Variants in FHIT observed in about 807,000 individuals in gnomAD.
The protein encoded by FHIT is bis(5'-adenosyl)-triphosphatase.
Under a neutral mutation model 17.9 loss-of-function variants are expected in FHIT, and 19 were observed. The ratio of observed to expected loss-of-function variants is 1.06; its 90% CI spans 0.74 to 1.56. The LOEUF is 1.56. Ranked by LOEUF, FHIT falls within the 40% of genes most tolerant of loss-of-function variation. The pLI is 0.00. For synonymous variants in FHIT, 81 were observed against 69.7 expected (o/e 1.16, Z -0.81); for missense variants, 248 against 189.2 (o/e 1.31, Z -1.82).
intron 4 of FHIT, among the ~76,000 whole-genome samples, chr3:60,775,290 T>C (rs929072793): frequency 2.6e-5 from 4 of 152,112 alleles, no homozygotes; most frequent in African/African-American, 9.7e-5. Context: ...CACCCAAGTC[T>C]CCAGCCTGTG....
chr3:60,305,545 C>G (rs1365661618), intron 5 of FHIT, among the ~76,000 whole-genome samples: 2 of 152,110 alleles, frequency 1.3e-5, no homozygotes, highest in African/African-American at 2.4e-5. Context: ...TCTCCAATCT[C>G]CATCCATCAA....
chr3:59,910,490 A>G (rs981807294), intron 8 of FHIT, among the ~76,000 whole-genome samples: 1 of 152,294 alleles, frequency 6.6e-6, no homozygotes, highest in African/African-American at 2.4e-5. Flanking sequence ...TCTCTTTGAA[A>G]AAATCTTTTG....
intron 4 of FHIT, among the ~76,000 whole-genome samples, chr3:60,653,862 C>T (rs1039204428): frequency 2.0e-5 from 3 of 152,160 alleles, no homozygotes; most frequent in South Asian, 2.1e-4. Context: ...CTCCCATTCA[C>T]CCTGATATGG....
chr3:59,997,681 C>T (rs530912250), intron 7 of FHIT, among the ~76,000 whole-genome samples: 1 of 152,140 alleles, frequency 6.6e-6, no homozygotes, highest in Admixed American at 6.5e-5. Context: ...ATCAACTTAT[C>T]ACAAATTACA....
intron 5 of FHIT, among the ~76,000 whole-genome samples, chr3:60,354,607 T>C (rs190453899): frequency 0.13 from 19,997 of 152,118 alleles, 1,423 homozygotes; most frequent in Non-Finnish European, 0.16. Context: ...AATATTTTAG[T>C]GTTATTGAGA....
At chr3:60,238,664 G>C (rs1166537840) in intron 5 of FHIT, among the ~76,000 whole-genome samples, 1 of 152,074 alleles carries the variant, frequency 6.6e-6, no homozygotes, top group Non-Finnish European at 1.5e-5. Flanking sequence ...CAAACCCTTA[G>C]TGTAGTTGCA....
intron 5 of FHIT, among the ~76,000 whole-genome samples, chr3:60,494,241 A>C (rs1376846202): frequency 6.6e-6 from 1 of 152,174 alleles, no homozygotes; most frequent in East Asian, 1.9e-4. Flanking sequence ...CCCTGGTACC[A>C]CTAATCTGCT....
chr3:60,701,414 A>C (rs1334012925), intron 4 of FHIT, among the ~76,000 whole-genome samples: 1 of 152,146 alleles, frequency 6.6e-6, no homozygotes. Context: ...TTATTACTCA[A>C]ATCAGTCTCC....
At chr3:60,539,088 T>C (rs1252462521) in intron 4 of FHIT, among the ~76,000 whole-genome samples, 1 of 151,918 alleles carries the variant, frequency 6.6e-6, no homozygotes, top group Non-Finnish European at 1.5e-5. Flanking sequence ...CTCAAACAAA[T>C]TTACAAGAAA....
chr3:60,005,366 GA>G (rs1172056819), intron 7 of FHIT, among the ~76,000 whole-genome samples: 7 of 152,160 alleles, frequency 4.6e-5, no homozygotes, highest in Non-Finnish European at 5.9e-5. Flanking sequence ...TAGGAGAGAG[GA>G]AGTTTCCCAA....
At chr3:59,953,559 G>A (rs150529299) in intron 7 of FHIT, among the ~76,000 whole-genome samples, 19 of 152,060 alleles carry the variant, frequency 1.2e-4, no homozygotes, top group South Asian at 4.2e-4. Context: ...ATCTTTCCTC[G>A]TTTTTCCCCA....
At chr3:60,445,304 G>A (rs2031247210) in intron 5 of FHIT, among the ~76,000 whole-genome samples, 2 of 152,044 alleles carry the variant, frequency 1.3e-5, no homozygotes, top group African/African-American at 2.4e-5. Flanking sequence ...AGAGGACTGG[G>A]ATTCCAAAGC....
chr3:60,041,785 A>G (rs1701448884), intron 5 of FHIT, among the ~76,000 whole-genome samples: 1 of 152,188 alleles, frequency 6.6e-6, no homozygotes, highest in African/African-American at 2.4e-5. Flanking sequence ...ATCTTTCCAC[A>G]ATGCATTTGT....
Position 60,900,061 on chromosome 3 carries a change from A to C in FHIT, c.-110-78050T>G, listed in dbSNP as rs988110007. ...GGGAAACCTAAATGGCAATACAAAG[A>C]AAGAGTTGGGGGCAGCTTCAAGATA... is the stretch of plus-strand genomic sequence containing the variant. On this transcript the variant is annotated intron_variant, in intron 3 of 9. Coordinates refer to ENST00000492590, the MANE Select transcript of FHIT (RefSeq NM_002012.4). Among the ~76,000 whole-genome samples, 4 of 152,274 alleles carry C rather than the reference A, an allele frequency of 2.6e-5. 1 individual carries two copies. In the South Asian group the frequency reaches 8.3e-4, roughly 32 times the overall value.
At chr3:60,447,562 C>A (rs2031427506) in intron 5 of FHIT, among the ~76,000 whole-genome samples, 2 of 152,040 alleles carry the variant, frequency 1.3e-5, no homozygotes, top group Admixed American at 6.6e-5. Context: ...CTTCAAATAA[C>A]CATAAATCAG....
At chr3:60,888,351 G>T (rs922145508) in intron 3 of FHIT, among the ~76,000 whole-genome samples, 1 of 152,194 alleles carries the variant, frequency 6.6e-6, no homozygotes, top group African/African-American at 2.4e-5. Flanking sequence ...ACAAGGGAAA[G>T]CCGCTACACA....
intron 8 of FHIT, among the ~76,000 whole-genome samples, chr3:59,822,700 G>A (rs112083851): frequency 1.3e-5 from 2 of 151,956 alleles, no homozygotes; most frequent in African/African-American, 4.8e-5. Flanking sequence ...CTGGATGTTC[G>A]TCTTTTGTCA....
chr3:60,859,787 T>C (rs2106954047), intron 3 of FHIT, among the ~76,000 whole-genome samples: 1 of 120,896 alleles, frequency 8.3e-6, no homozygotes, highest in Middle Eastern at 5.4e-3. Context: ...CTCATGCCTG[T>C]AATCCCAGCC....
At chr3:60,825,881 T>C (rs1272892454) in intron 3 of FHIT, among the ~76,000 whole-genome samples, 1 of 151,888 alleles carries the variant, frequency 6.6e-6, no homozygotes, top group Non-Finnish European at 1.5e-5. Flanking sequence ...AAATTTATGG[T>C]AGGGAATTTT....
Sources: gnomAD v4.1 joint callset for allele counts (sites outside exome capture counted in the v4.1 genomes callset) on GRCh38, gnomAD v4.1.1 for gene constraint, MANE v1.5 for transcripts, NCBI Gene and HGNC (gene_info 2026-07-23, HGNC 2026-07-21) for gene names.